DCHS2: variants seen among roughly 807,000 people sequenced by gnomAD.
DCHS2 encodes the protein dachsous cadherin-related 2.
DCHS2 carries 142 observed loss-of-function variants against 182.4 expected under a neutral mutation model. That is an observed-to-expected ratio of 0.78 (90% confidence interval 0.68 to 0.89). DCHS2 has a LOEUF of 0.89. Ranked by LOEUF, DCHS2 falls within the 40% of genes least tolerant of loss-of-function variation. The probability of loss-of-function intolerance (pLI) is 0.00; values close to 1 mark genes in which losing one functional copy is unlikely to be tolerated. For synonymous variants in DCHS2, 1,740 were observed against 1,663.3 expected, an observed-to-expected ratio of 1.05 and a Z score of -1.12; for missense variants, 4,319 against 4,198.6, an observed-to-expected ratio of 1.03 and a Z score of -0.79.
intron 13 of DCHS2, among the ~76,000 whole-genome samples, chr4:154,287,911 A>T (rs1428950519): frequency 6.6e-6 from 1 of 152,214 alleles, no homozygotes; most frequent in Non-Finnish European, 1.5e-5. Context: ...GTAACCTCAA[A>T]TCAAAAAATA....
rs1735276735 is a variant in DCHS2, at chr4:154,302,969, C to CACACACA, written c.5605+1699_5605+1700insTGTGTGT. Among the ~76,000 whole-genome samples, 12 of 21,572 alleles carry CACACACA rather than the reference C, an allele frequency of 5.6e-4. 1 individual carries two copies. Among genetic ancestry groups the CACACACA allele is most frequent in the Admixed American group, 1.7e-3 (3 of 1,748 alleles). The allele number at this position is 21,572 out of a possible 152,430, so 14.2% of individuals were successfully genotyped here. On this transcript the variant is annotated intron_variant, in intron 12 of 19. Transcript: ENST00000357232. ...CACACACACACACACACACACACAC[C>CACACACA]CACACACACACATATTTTTTTTTTT...
intron 3 of DCHS2, among the ~76,000 whole-genome samples, chr4:154,338,150 T>C (rs1034431755): frequency 1.3e-5 from 2 of 152,232 alleles, no homozygotes; most frequent in South Asian, 4.1e-4. Flanking sequence ...CCTGGGTACA[T>C]GTGCCTATTA....
rs35075104 is a variant in DCHS2 at position 154,488,902 on chromosome 4, CTGTG to C, written c.2052+398_2052+401del. Among the ~76,000 whole-genome samples the C allele has an allele frequency of 5.7e-3, 356 of 62,300 alleles. 2 individuals are homozygous for C. The highest frequency in any genetic ancestry group is 0.021 in the African/African-American group (340 of 16,412). The allele number at this position is 62,300 out of a possible 152,430, so 40.9% of individuals were successfully genotyped here. A position where few individuals can be genotyped will look rare whatever the true frequency, so the allele number is the denominator to read the frequency against. ...AATATATATATGTGTGTGTGTGTGT[CTGTG>C]TGTGTGTGTGTGTGTGTGTGTGTGT... is the stretch of plus-strand genomic sequence containing the variant. On this transcript the variant is annotated intron_variant, in intron 1 of 19. Transcript: ENST00000357232.
At chr4:154,468,199 C>T (rs929066530) in intron 1 of DCHS2, among the ~76,000 whole-genome samples, 5 of 152,090 alleles carry the variant, frequency 3.3e-5, no homozygotes, top group Admixed American at 1.3e-4. Context: ...GTTTCATGAG[C>T]AGTAATATCA....
intron 3 of DCHS2, among the ~76,000 whole-genome samples, chr4:154,353,937 T>C (rs1382556743): frequency 6.6e-6 from 1 of 152,184 alleles, no homozygotes; most frequent in Non-Finnish European, 1.5e-5. Flanking sequence ...ATTGTAGTTT[T>C]TATTTTTCAG....
At chr4:154,453,143 G>A (rs912520420) in intron 1 of DCHS2, among the ~76,000 whole-genome samples, 1 of 151,964 alleles carries the variant, frequency 6.6e-6, no homozygotes, top group Admixed American at 6.6e-5. Context: ...AAAATGGAGA[G>A]CCAAACCTGA....
chr4:154,402,383 G>C (rs930396802), intron 1 of DCHS2, among the ~76,000 whole-genome samples: 1 of 152,172 alleles, frequency 6.6e-6, no homozygotes, highest in Non-Finnish European at 1.5e-5. Context: ...ATAGATTTTA[G>C]AATCAACTCA....
chr4:154,357,157 T>C (rs1729909075), intron 3 of DCHS2: 2 of 1,098,420 alleles, frequency 1.8e-6, no homozygotes, highest in East Asian at 2.4e-5. Context: ...ATATAGGTGC[T>C]TTCATGGCCT....
rs773665804 is a variant in DCHS2 at position 154,333,446 on chromosome 4, C to A, written c.2762G>T (p.Gly921Val). ...FYRISSGDLG[G>V]KFSIHPRLGT... ...CAGCCGCGGGTGAATGGAGAACTTT[C>A]CGCCGAGATCACCAGAAGAAATCCT... The change falls in exon 5 of 20, where the codon GGA becomes GTA. Residue 921 changes from glycine (G) to valine (V), a missense_variant. By Grantham distance (109) the Gly-to-Val change is moderately radical (BLOSUM62 -3). Coordinates refer to ENST00000357232, the MANE Select transcript of DCHS2 (RefSeq NM_001358235.2). 40 of 1,613,764 alleles carry A rather than the reference C, an allele frequency of 2.5e-5. No individual in the cohort carries two copies. In the South Asian group the frequency reaches 3.6e-4, roughly 15 times the overall value.
rs1266742074 is a variant in DCHS2, at chr4:154,232,177, C to T, written c.*2359G>A. On this transcript the variant is annotated 3_prime_UTR_variant, in exon 20 of 20. Coordinates refer to ENST00000357232, the MANE Select transcript of DCHS2 (RefSeq NM_001358235.2). Reference sequence around the variant, plus strand: ...GCAAAGTAACCCAGAACATATGAGGCAAGTTAATATTAAACTTGAAGGAAA... The same window carrying T: ...GCAAAGTAACCCAGAACATATGAGGTAAGTTAATATTAAACTTGAAGGAAA... 1 of 152,064 alleles carries T rather than the reference C, an allele frequency of 6.6e-6. No homozygotes were observed. The highest frequency in any genetic ancestry group is 1.5e-5 in the Non-Finnish European group (1 of 68,000). The allele number at this position is 152,064 out of a possible 1,614,324, so 9.4% of individuals were successfully genotyped here.
chr4:154,491,064 C>G lies in DCHS2; in HGVS notation c.292G>C (p.Gly98Arg). The G allele has an allele frequency of 1.3e-6, 2 of 1,551,258 alleles. No homozygotes were observed. The highest frequency in any genetic ancestry group is 1.7e-6 in the Non-Finnish European group (2 of 1,146,946). The change falls in exon 1 of 20, where the codon GGG (glycine) becomes CGG (arginine). Residue 98 changes from glycine to arginine, a missense_variant. Physicochemically the swap from Gly to Arg is moderately radical, Grantham distance 125. Coordinates refer to ENST00000357232, the MANE Select transcript of DCHS2 (RefSeq NM_001358235.2). ...TCCTCCGACAGAAAGAAGCCGCTCC[C>G]CTCCTGCTGCTGCGCGGCCGGCAGC... ...AGLPAAQQQE[G>R]SGFFLSEDSD...
At chr4:154,252,524 C>CCTAT (rs1397973319) in intron 16 of DCHS2, among the ~76,000 whole-genome samples, 3 of 151,954 alleles carry the variant, frequency 2.0e-5, no homozygotes, top group South Asian at 2.1e-4. Flanking sequence ...CCTTCTACTC[C>CCTAT]CTATCTGCTT....
chr4:154,469,028 G>T (rs1735352661), intron 1 of DCHS2, among the ~76,000 whole-genome samples: 1 of 152,086 alleles, frequency 6.6e-6, no homozygotes, highest in African/African-American at 2.4e-5. Flanking sequence ...ACATCAAGTT[G>T]TACACCTTAA....
chr4:154,281,071 C>T (rs1478771120), intron 13 of DCHS2, among the ~76,000 whole-genome samples: 1 of 152,042 alleles, frequency 6.6e-6, no homozygotes, highest in African/African-American at 2.4e-5. Flanking sequence ...AGGTGATCTG[C>T]CCACCTCGAC....
intron 1 of DCHS2, among the ~76,000 whole-genome samples, chr4:154,467,383 A>G (rs1735282210): frequency 1.3e-5 from 2 of 152,176 alleles, no homozygotes; most frequent in Admixed American, 1.3e-4. Flanking sequence ...CCTATTAGCA[A>G]AATAAGGTAT....
At chr4:154,417,074 G>A (rs369354464) in intron 1 of DCHS2, among the ~76,000 whole-genome samples, 1 of 151,924 alleles carries the variant, frequency 6.6e-6, no homozygotes, top group Admixed American at 6.5e-5. Flanking sequence ...CGGCGGGGTC[G>A]CCCTCTGTGA....
chr4:154,237,275 T>G (rs1731577232), intron 19 of DCHS2, 116 bp from the exon 20 acceptor site: 2 of 1,347,376 alleles, frequency 1.5e-6, no homozygotes, highest in Non-Finnish European at 2.0e-6. Context: ...GTTAGATCTG[T>G]TAAGTCACAA....
At chr4:154,373,893 A>G (rs778406024) in intron 2 of DCHS2, 6 of 1,578,224 alleles carry the variant, frequency 3.8e-6, no homozygotes, top group Non-Finnish European at 5.2e-6. Flanking sequence ...TAAAAGACTC[A>G]GATTATAGAA....
rs1051916378 is a variant in DCHS2, at chr4:154,490,755, T to G, written c.601A>C (p.Thr201Pro). ...GGTTGCACCAGGGTGTAGCCCTGAG[T>G]GCTGAACAGTCCGGCGTCCGGATCG... ...AHDPDAGLFS[T>P]QGYTLVQPSD... Residue 201 changes from threonine to proline, a missense_variant, in exon 1 of 20, where the codon ACT (threonine) becomes CCT (proline). Coordinates refer to ENST00000357232, the MANE Select transcript of DCHS2 (RefSeq NM_001358235.2). 6.4e-7 allele frequency: 1 copy of G among 1,551,564 alleles called. No homozygotes were observed. The highest frequency in any genetic ancestry group is 8.7e-7 in the Non-Finnish European group (1 of 1,146,904).
Sources: gnomAD v4.1 joint callset for allele counts (sites outside exome capture counted in the v4.1 genomes callset) on GRCh38, gnomAD v4.1.1 for gene constraint, MANE v1.5 for transcripts, NCBI Gene and HGNC (gene_info 2026-07-23, HGNC 2026-07-21) for gene names.